The following ERCC8 variants were observed in gnomAD, a reference collection of about 807,000 sequenced individuals.
The protein encoded by ERCC8 is DNA excision repair protein ERCC-8.
Under a neutral mutation model 54.9 loss-of-function variants are expected in ERCC8, and 52 were observed. The observed-to-expected ratio is 0.95, with a 90% CI of 0.76 to 1.19. The LOEUF is 1.19. ERCC8 is among the 50% of genes most tolerant of loss of function. ERCC8 has a pLI of 0.00. For missense variants in ERCC8, 514 were observed against 466.1 expected, an observed-to-expected ratio of 1.10 and a Z score of -0.95; for synonymous variants, 146 against 157.2, an observed-to-expected ratio of 0.93 and a Z score of 0.53.
rs183770478 is a variant in ERCC8, at chr5:60,914,061, T to C, written c.399+4204A>G. Among the ~76,000 whole-genome samples, 238 of 152,274 alleles carry C rather than the reference T, an allele frequency of 1.6e-3. 3 individuals are homozygous for C. The highest frequency in any genetic ancestry group is 5.6e-3 in the African/African-American group (231 of 41,520). On this transcript the variant is annotated intron_variant, in intron 4 of 11. Transcript: ENST00000676185. ...GCAATGTGGTGCTGGGAAGAATGTA[T>C]ATTCTGTTGATTTGGGGTGGAGAGT...
chr5:60,927,577 A>C (rs1749784067), intron 2 of ERCC8, among the ~76,000 whole-genome samples: 1 of 152,204 alleles, frequency 6.6e-6, no homozygotes, highest in South Asian at 2.1e-4. Flanking sequence ...CAACTCTGCC[A>C]ACTGGTAGTC....
chr5:60,897,081 T>C (rs1748744260), intron 9 of ERCC8, among the ~76,000 whole-genome samples: 1 of 152,196 alleles, frequency 6.6e-6, no homozygotes, highest in Non-Finnish European at 1.5e-5. Context: ...AGCTCTTCCT[T>C]GCGTATCCCA....
intron 5 of ERCC8, 99 bp downstream of exon 5, chr5:60,904,690 GTGA>G: frequency 3.6e-6 from 1 of 279,824 alleles, no homozygotes; most frequent in Non-Finnish European, 6.9e-6. Context: ...ATATAAAATT[GTGA>G]TATTCCTCTG....
chr5:60,925,968 C>T (rs1388143579), intron 2 of ERCC8, among the ~76,000 whole-genome samples: 1 of 152,094 alleles, frequency 6.6e-6, no homozygotes, highest in Admixed American at 6.5e-5. Context: ...GGATTACGGG[C>T]ACGCGCCACT....
At chr5:60,903,876 A>G (rs1240977011) in intron 5 of ERCC8, among the ~76,000 whole-genome samples, 160 bp from the exon 6 acceptor site, 1 of 152,116 alleles carries the variant, frequency 6.6e-6, no homozygotes. Context: ...TTACATTTAG[A>G]AAAGTTATTT....
chr5:60,902,380 T>G lies in ERCC8; in HGVS notation c.617+62A>C. The G allele has an allele frequency of 2.5e-6, 3 of 1,209,902 alleles. No individual in the cohort carries two copies. In the South Asian group the frequency reaches 3.7e-5, roughly 15 times the overall value. 74.9% of individuals were successfully genotyped at this position (1,209,902 alleles called of 1,614,324 possible). On this transcript the variant is annotated intron_variant, in intron 7 of 11. Transcript: ENST00000676185. The stretch of plus-strand genomic sequence containing the variant: ...CTAAAATATATACATTACATAAATG[T>G]AGACTTTTCAAAATGCTTATTATTA...
rs543035858 is a variant in ERCC8, at chr5:60,908,484, C to T, written c.400-3611G>A. Among the ~76,000 whole-genome samples the T allele has an allele frequency of 2.0e-3, 308 of 151,582 alleles. 2 individuals are homozygous for T. Among genetic ancestry groups the T allele is most frequent in the Non-Finnish European group, 3.3e-3 (226 of 67,888 alleles). ...TTGAACTCATCATTCCAACCCTTCC[C>T]CATCTTACTAAATAACAAAATAACA... On this transcript the variant is annotated intron_variant, in intron 4 of 11. Coordinates refer to ENST00000676185, the MANE Select transcript of ERCC8 (RefSeq NM_000082.4).
At chr5:60,929,179 G>T (rs1436553558) in intron 1 of ERCC8, among the ~76,000 whole-genome samples, 1 of 152,062 alleles carries the variant, frequency 6.6e-6, no homozygotes, top group Non-Finnish European at 1.5e-5. Flanking sequence ...ATTTAAAGAC[G>T]GAAATTTGTA....
At position 60,918,249 on chromosome 5, in the gene ERCC8, G is replaced by T; in HGVS notation, c.399+16C>A. 1 of 1,576,116 alleles carries T rather than the reference G, an allele frequency of 6.3e-7. No homozygotes were observed. ...TTATCCTACAAAGCAATCTGCAAAT[G>T]TTTTAATGTACTTACTTGTAATGTA... On this transcript the variant is annotated intron_variant, in intron 4 of 11. Coordinates refer to ENST00000676185, the MANE Select transcript of ERCC8 (RefSeq NM_000082.4).
intron 4 of ERCC8, among the ~76,000 whole-genome samples, chr5:60,909,112 G>A (rs1316340861): frequency 6.6e-6 from 1 of 151,798 alleles, no homozygotes; most frequent in Admixed American, 6.6e-5. Context: ...AAAAAGTCAA[G>A]ATAATAGGAT....
chr5:60,899,701 T>C lies in ERCC8; in HGVS notation c.644A>G (p.Asp215Gly). ...ASADSRVKLWDVRRASGCLIT... is the reference protein window; with the variant it reads ...ASADSRVKLWGVRRASGCLIT... ...CAAACATCCTGATGCTCTTCTCACA[T>C]CCCATAATTTTACTCTACTGTCAGC... The change falls in exon 8 of 12, where the codon GAT becomes GGT. Residue 215 changes from aspartate to glycine, a missense_variant. Asp to Gly is a moderately conservative substitution (Grantham distance 94). Transcript: ENST00000676185. 6.2e-7 allele frequency: 1 copy of C among 1,612,080 alleles called. No individual in the cohort carries two copies. The highest frequency in any genetic ancestry group is 8.5e-7 in the Non-Finnish European group (1 of 1,178,674).
chr5:60,875,010 T>C (rs1036529514), intron 11 of ERCC8, among the ~76,000 whole-genome samples: 1 of 152,310 alleles, frequency 6.6e-6, no homozygotes, highest in South Asian at 2.1e-4. Flanking sequence ...CTCTTTGGAA[T>C]TACCTGGAGA....
At chr5:60,888,606 A>G (rs1748463463) in intron 10 of ERCC8, among the ~76,000 whole-genome samples, 3 of 152,254 alleles carry the variant, frequency 2.0e-5, no homozygotes, top group African/African-American at 7.2e-5. Context: ...AAGAACACTT[A>G]GATAGAATGA....
At chr5:60,880,866 G>T (rs977635786) in intron 11 of ERCC8, among the ~76,000 whole-genome samples, 5 of 152,066 alleles carry the variant, frequency 3.3e-5, no homozygotes, top group African/African-American at 1.2e-4. Context: ...TTCTCAACTC[G>T]TCAATGTCAT....
intron 4 of ERCC8, chr5:60,917,406 G>C (rs1423536146): frequency 1.3e-5 from 2 of 152,048 alleles, no homozygotes; most frequent in African/African-American, 2.4e-5. Context: ...GGAGAACTTG[G>C]AATGCCAGGC....
intron 11 of ERCC8, among the ~76,000 whole-genome samples, chr5:60,880,922 TGGA>T (rs1183501153): frequency 6.6e-6 from 1 of 152,208 alleles, no homozygotes; most frequent in Non-Finnish European, 1.5e-5. Flanking sequence ...TGCGTTCCTT[TGGA>T]GGAGGAGAGG....
intron 4 of ERCC8, among the ~76,000 whole-genome samples, chr5:60,908,282 A>C (rs1278671630): frequency 6.6e-6 from 1 of 151,924 alleles, no homozygotes; most frequent in Non-Finnish European, 1.5e-5. Context: ...ACAAATCTAG[A>C]ACTCAAAAAA....
intron 4 of ERCC8, among the ~76,000 whole-genome samples, chr5:60,909,071 G>T (rs577883421): frequency 6.6e-6 from 1 of 151,798 alleles, no homozygotes; most frequent in Non-Finnish European, 1.5e-5. Flanking sequence ...GATAAAGATG[G>T]TTTGATAATT....
At chr5:60,882,867 TA>T (rs1748279591) in intron 11 of ERCC8, among the ~76,000 whole-genome samples, 1 of 152,116 alleles carries the variant, frequency 6.6e-6, no homozygotes, top group Non-Finnish European at 1.5e-5. Flanking sequence ...GAGAGTTTAT[TA>T]AAAGACATCT....
Sources: allele counts gnomAD v4.1 joint callset (sites outside exome capture counted in the v4.1 genomes callset), GRCh38; gene constraint gnomAD v4.1.1; transcripts MANE v1.5; gene names NCBI Gene and HGNC (gene_info 2026-07-23, HGNC 2026-07-21).